Variants in BACH2 observed in about 807,000 individuals in gnomAD.
The protein encoded by BACH2 is BACH transcriptional regulator 2.
In BACH2, 5 loss-of-function variants were observed where a neutral mutation model predicts 61.8. That is an observed-to-expected ratio of 0.08 (90% confidence interval 0.04 to 0.17). The LOEUF is 0.17. BACH2 is among the 10% of genes least tolerant of loss of function. The pLI, the probability that BACH2 is intolerant of heterozygous loss-of-function variation, is 1.00. For missense variants in BACH2, 824 were observed against 1,091.1 expected (o/e 0.76, Z 3.45); for synonymous variants, 446 against 440.1 (o/e 1.01, Z -0.17).
At chr6:89,958,146 AATTTT>A (rs979750493) in intron 6 of BACH2, among the ~76,000 whole-genome samples, 4 of 152,022 alleles carry the variant, frequency 2.6e-5, no homozygotes, top group South Asian at 2.1e-4. Flanking sequence ...TTTGTTTACT[AATTTT>A]ATTTTATTTT....
chr6:90,090,889 T>A (rs917829800), intron 4 of BACH2, among the ~76,000 whole-genome samples: 1 of 152,122 alleles, frequency 6.6e-6, no homozygotes. Flanking sequence ...CAGGATGGCA[T>A]CAAAAAGCAG....
rs762444607 is a variant in BACH2, at chr6:89,951,511, C to T, written c.595G>A (p.Val199Ile). Residue 199 changes from valine (V) to isoleucine (I), a missense_variant, in exon 7 of 9, where the codon GTA (valine) becomes ATA (isoleucine). This residue lies in a region of BACH2 where 107 missense variants were observed against 121.7 expected (regional missense o/e 0.88). Transcript: ENST00000257749. The surrounding 1 kb of genome is among the most constrained non-coding windows in gnomAD (Gnocchi z 6.4). ...PISFEAAAIP[V>I]AEKEEALLPE... ...AGCAGGGCTTCTTCCTTCTCTGCTACGGGGATGGCGGCGGCCTCAAAGCTG... is the reference window on the plus strand; with the variant it reads ...AGCAGGGCTTCTTCCTTCTCTGCTATGGGGATGGCGGCGGCCTCAAAGCTG... 17 of 1,614,250 alleles carry T rather than the reference C, an allele frequency of 1.1e-5. No individual in the cohort carries two copies. Among genetic ancestry groups the T allele is most frequent in the Non-Finnish European group, 1.2e-5 (14 of 1,180,046 alleles).
intron 6 of BACH2, among the ~76,000 whole-genome samples, chr6:89,956,083 G>T (rs1774410440): frequency 6.6e-6 from 1 of 152,162 alleles, no homozygotes; most frequent in African/African-American, 2.4e-5. Context: ...TGGCCTCAAG[G>T]TATGAGAAAC....
rs1779717576 is a variant in BACH2, at chr6:90,045,122, G to A, written c.-12-36266C>T. On this transcript the variant is annotated intron_variant, in intron 5 of 8. Transcript: ENST00000257749. ...ATAACATCTGACTCTACAGAGACTGGACAAATAGATAATAAACACAGGGAT... is the reference window on the plus strand; with the variant it reads ...ATAACATCTGACTCTACAGAGACTGAACAAATAGATAATAAACACAGGGAT... Among the ~76,000 whole-genome samples the A allele has an allele frequency of 2.0e-5, 3 of 152,172 alleles. No individual in the cohort carries two copies. The South Asian group carries it at 6.2e-4, about 32-fold the overall frequency.
intron 3 of BACH2, among the ~76,000 whole-genome samples, chr6:90,239,814 C>G (rs1770383577): frequency 6.8e-6 from 1 of 147,388 alleles, no homozygotes; most frequent in South Asian, 2.1e-4. Context: ...CACACACACA[C>G]ACACACACAC....
intron 1 of BACH2, among the ~76,000 whole-genome samples, chr6:90,277,369 G>A (rs182258539): frequency 2.4e-3 from 370 of 152,202 alleles, no homozygotes; most frequent in Non-Finnish European, 3.3e-3. Flanking sequence ...GCATATTATC[G>A]AGTGAAAGAA....
At chr6:89,990,111 C>A (rs1196064341) in intron 6 of BACH2, among the ~76,000 whole-genome samples, 1 of 152,196 alleles carries the variant, frequency 6.6e-6, no homozygotes, top group East Asian at 1.9e-4. Context: ...AGGGCCACAT[C>A]TTCACCACAT....
intron 5 of BACH2, chr6:90,080,912 T>A: frequency 3.1e-6 from 1 of 324,542 alleles, no homozygotes; most frequent in Non-Finnish European, 4.4e-6. Flanking sequence ...GATAGTCCAC[T>A]ATCGCCAGAA....
At chr6:89,938,947 C>T (rs1183947094) in intron 7 of BACH2, among the ~76,000 whole-genome samples, 4 of 152,194 alleles carry the variant, frequency 2.6e-5, no homozygotes, top group Non-Finnish European at 4.4e-5. Flanking sequence ...TACTCCACCT[C>T]TCTGAGATTC....
chr6:90,003,489 T>C (rs752838588), intron 6 of BACH2, among the ~76,000 whole-genome samples: 29 of 152,220 alleles, frequency 1.9e-4, no homozygotes, highest in Non-Finnish European at 3.4e-4. Flanking sequence ...ACAAAGTATA[T>C]TTAACACTGA....
At position 90,031,155 on chromosome 6, in the gene BACH2, C is replaced by G. The variant is rs932398710; in HGVS notation, c.-12-22299G>C. ...AAAGGCCTTTGACAAAATTCAACAA[C>G]CTTCATGCTAAAAATTCTCAATAAA... On this transcript the variant is annotated intron_variant, in intron 5 of 8. Transcript: ENST00000257749. 1.3e-4 allele frequency among the ~76,000 whole-genome samples: 20 copies of G among 151,886 alleles called. No individual in the cohort carries two copies. The East Asian group carries it at 2.7e-3, about 21-fold the overall frequency.
intron 6 of BACH2, among the ~76,000 whole-genome samples, chr6:89,975,243 A>C (rs1775589310): frequency 6.6e-6 from 1 of 152,224 alleles, no homozygotes; most frequent in Non-Finnish European, 1.5e-5. Context: ...GAAATTGCTA[A>C]TGGAATACAG....
chr6:90,048,434 T>C (rs1779889287), intron 5 of BACH2, among the ~76,000 whole-genome samples: 1 of 152,192 alleles, frequency 6.6e-6, no homozygotes, highest in Non-Finnish European at 1.5e-5. Context: ...TCAGACATGG[T>C]ATTTCACGCT....
chr6:90,152,416 T>C (rs1179941602), intron 4 of BACH2, among the ~76,000 whole-genome samples: 1 of 152,202 alleles, frequency 6.6e-6, no homozygotes, highest in African/African-American at 2.4e-5. Flanking sequence ...ATTTTAGTAA[T>C]AGGGCAGCTG....
At chr6:89,965,145 C>T (rs1408687014) in intron 6 of BACH2, among the ~76,000 whole-genome samples, 1 of 152,208 alleles carries the variant, frequency 6.6e-6, no homozygotes, top group Non-Finnish European at 1.5e-5. Flanking sequence ...CCTGGGCCTT[C>T]TGAAGTGCTG....
intron 3 of BACH2, among the ~76,000 whole-genome samples, chr6:90,243,919 T>C (rs958726887): frequency 2.0e-5 from 3 of 152,108 alleles, no homozygotes; most frequent in Non-Finnish European, 4.4e-5. Context: ...AGGACATTCA[T>C]TTTTTATTTT....
At chr6:90,121,836 G>A (rs1783639540) in intron 4 of BACH2, among the ~76,000 whole-genome samples, 1 of 152,130 alleles carries the variant, frequency 6.6e-6, no homozygotes, top group African/African-American at 2.4e-5. Context: ...GTGAGCCACC[G>A]TGCCCGGCCA....
Position 89,932,645 on chromosome 6 carries a change from C to T in BACH2, c.2289G>A (p.Gly763=), listed in dbSNP as rs749282554. ...QNIAASQCAV[G]ENVPCCLEPG... ...GCTCCAAGCAGCAGGGCACGTTTTCCCCCACTGCGCATTGGGAGGCCGCAA... is the reference window on the plus strand; with the variant it reads ...GCTCCAAGCAGCAGGGCACGTTTTCTCCCACTGCGCATTGGGAGGCCGCAA... The change falls in exon 9 of 9, where the codon GGG becomes GGA. Residue 763 remains glycine, a synonymous_variant. Transcript: ENST00000257749. 7 of 1,613,962 alleles carry T rather than the reference C, an allele frequency of 4.3e-6. No homozygotes were observed. The highest frequency in any genetic ancestry group is 5.9e-6 in the Non-Finnish European group (7 of 1,180,006).
At chr6:90,025,149 G>C (rs1410847257) in intron 5 of BACH2, among the ~76,000 whole-genome samples, 1 of 152,198 alleles carries the variant, frequency 6.6e-6, no homozygotes. Context: ...CCATCCAAGG[G>C]GCATGATTAC....
Sources: allele counts gnomAD v4.1 joint callset (sites outside exome capture counted in the v4.1 genomes callset), GRCh38; gene constraint gnomAD v4.1.1; regional missense constraint gnomAD v4.1.1; non-coding constraint Gnocchi (gnomAD v3.1); transcripts MANE v1.5; gene names NCBI Gene and HGNC (gene_info 2026-07-23, HGNC 2026-07-21).